NBEA: variants seen among roughly 807,000 people sequenced by gnomAD.
The protein encoded by NBEA is neurobeachin, also known as lysosomal-trafficking regulator 2.
A neutral mutation model predicts 343.4 loss-of-function variants in NBEA; 44 were observed. The observed-to-expected ratio is 0.13, with a 90% CI of 0.10 to 0.16. The LOEUF (loss-of-function observed/expected upper bound fraction) is 0.16. NBEA is among the 10% of genes least tolerant of loss of function. The probability of loss-of-function intolerance (pLI) is 1.00; values close to 1 mark genes in which losing one functional copy is unlikely to be tolerated. For synonymous variants in NBEA, 1,175 were observed against 1,238.7 expected (o/e 0.95, Z 1.08); for missense variants, 2,555 against 3,631.3 (o/e 0.70, Z 7.62).
chr13:35,342,874 A>G (rs1457588423), intron 36 of NBEA, among the ~76,000 whole-genome samples: 1 of 151,964 alleles, frequency 6.6e-6, no homozygotes, highest in Non-Finnish European at 1.5e-5. Context: ...ACTGGGACCA[A>G]TGGAAGATTT....
chr13:35,212,934 A>C (rs754651151), intron 33 of NBEA, among the ~76,000 whole-genome samples: 13 of 151,712 alleles, frequency 8.6e-5, no homozygotes, highest in Non-Finnish European at 1.3e-4. Flanking sequence ...ATTATATGCC[A>C]TACATATATC....
chr13:35,174,181 C>G (rs1243430574), intron 27 of NBEA, among the ~76,000 whole-genome samples: 1 of 152,078 alleles, frequency 6.6e-6, no homozygotes, highest in African/African-American at 2.4e-5. Context: ...TTCTGTTCAT[C>G]AAAAGAAGCT....
At chr13:35,653,191 T>C (rs1052326056) in intron 53 of NBEA, among the ~76,000 whole-genome samples, 1 of 152,176 alleles carries the variant, frequency 6.6e-6, no homozygotes, top group African/African-American at 2.4e-5. Context: ...CGGTTTCATA[T>C]ATGTAAGACA....
In NBEA at chr13:35,164,500, A is replaced by G; in HGVS notation, c.4224A>G (p.Thr1408=). Residue 1408 remains threonine (T), a synonymous_variant, in exon 24 of 59, where the codon ACA becomes ACG. Coordinates refer to ENST00000379939, the MANE Select transcript of NBEA (RefSeq NM_001385012.1). ...GGILPLLSAA[T]SPTGSKTELE... ...TTTTACCTTTGCTCTCTGCTGCTAC[A>G]TCACCAACTGTAAGTACTTTGCCTC... 6.2e-7 allele frequency: 1 copy of G among 1,609,986 alleles called. No homozygotes were observed. Among genetic ancestry groups the G allele is most frequent in the Non-Finnish European group, 8.5e-7 (1 of 1,177,858 alleles).
intron 35 of NBEA, among the ~76,000 whole-genome samples, chr13:35,295,851 G>A (rs576784609): frequency 4.4e-4 from 67 of 152,144 alleles, no homozygotes; most frequent in African/African-American, 1.6e-3. Context: ...AATTACTTTT[G>A]ATTAGTTCTA....
At chr13:35,463,126 G>A (rs944347905) in intron 40 of NBEA, among the ~76,000 whole-genome samples, 3 of 152,172 alleles carry the variant, frequency 2.0e-5, no homozygotes, top group African/African-American at 7.2e-5. Context: ...TTAAAGGGCA[G>A]CCAATGAAGG....
chr13:35,039,138 A>G (rs1234126709), intron 1 of NBEA, among the ~76,000 whole-genome samples: 1 of 152,108 alleles, frequency 6.6e-6, no homozygotes, highest in African/African-American at 2.4e-5. Context: ...CCTTTATGCT[A>G]TAGCAAGATG....
At chr13:35,260,863 A>G (rs1404405062) in intron 34 of NBEA, among the ~76,000 whole-genome samples, 1 of 152,202 alleles carries the variant, frequency 6.6e-6, no homozygotes, top group Admixed American at 6.5e-5. Context: ...AGAGTGGCAC[A>G]TTAGTAGTAG....
chr13:35,008,472 T>C (rs1404986760), intron 1 of NBEA, among the ~76,000 whole-genome samples: 1 of 152,178 alleles, frequency 6.6e-6, no homozygotes, highest in Admixed American at 6.5e-5. Context: ...GTTTACGAAA[T>C]AGTGACTAGA....
At chr13:35,209,676 T>C (rs1272551772) in intron 32 of NBEA, among the ~76,000 whole-genome samples, 1 of 152,080 alleles carries the variant, frequency 6.6e-6, no homozygotes, top group Non-Finnish European at 1.5e-5. Context: ...CTTGAACTTT[T>C]CCATTTATTA....
intron 38 of NBEA, among the ~76,000 whole-genome samples, chr13:35,429,505 C>G (rs147424550): frequency 6.6e-6 from 1 of 152,036 alleles, no homozygotes; most frequent in African/African-American, 2.4e-5. Flanking sequence ...GGCTGTTGGC[C>G]TCTTTGCCTC....
Position 35,159,571 on chromosome 13 carries a change from G to A in NBEA, c.3400G>A (p.Asp1134Asn). The stretch of plus-strand genomic sequence containing the variant: ...TAATGGTCCATTGATAACATTAGCA[G>A]ATGAGAAAGAAGACCTTCCCAATAG... ...KDNGPLITLA[D>N]EKEDLPNSST... The change falls in exon 22 of 59, where the codon GAT becomes AAT. Residue 1134 changes from aspartate to asparagine, a missense_variant. By Grantham distance (23) the Asp-to-Asn change is conservative. Coordinates refer to ENST00000379939, the MANE Select transcript of NBEA (RefSeq NM_001385012.1). The A allele has an allele frequency of 6.2e-7, 1 of 1,612,234 alleles. No homozygotes were observed. The highest frequency in any genetic ancestry group is 8.5e-7 in the Non-Finnish European group (1 of 1,179,304).
At chr13:35,393,306 G>A (rs928571073) in intron 38 of NBEA, among the ~76,000 whole-genome samples, 2 of 152,028 alleles carry the variant, frequency 1.3e-5, no homozygotes, top group Non-Finnish European at 2.9e-5. Context: ...AAATTGTAGA[G>A]CATCCACTAG....
rs1289708555 is a variant in NBEA, at chr13:35,432,404, A to G, written c.6304+11A>G. ...CTGCAATAGAATATGGTTAGTACCAATGCTTCTTCCACAAAAATACTTCTG... is the reference window on the plus strand; with the variant it reads ...CTGCAATAGAATATGGTTAGTACCAGTGCTTCTTCCACAAAAATACTTCTG... On this transcript the variant is annotated intron_variant, in intron 39 of 58. Transcript: ENST00000379939. 5 of 1,550,062 alleles carry G rather than the reference A, an allele frequency of 3.2e-6. No homozygotes were observed. Among genetic ancestry groups the G allele is most frequent in the Admixed American group, 1.9e-5 (1 of 52,896 alleles).
chr13:35,172,519 AC>A (rs1422659318), intron 26 of NBEA, among the ~76,000 whole-genome samples: 1 of 151,954 alleles, frequency 6.6e-6, no homozygotes, highest in Admixed American at 6.6e-5. Flanking sequence ...GTTATTCTGT[AC>A]TTTTATTTTT....
At chr13:35,468,132 G>GCCCCCCAA (rs1566176841) in intron 40 of NBEA, among the ~76,000 whole-genome samples, 1 of 103,030 alleles carries the variant, frequency 9.7e-6, no homozygotes, top group African/African-American at 3.9e-5. Flanking sequence ...CCCCTCCCCT[G>GCCCCCCAA]AAAATGATTA....
intron 31 of NBEA, among the ~76,000 whole-genome samples, chr13:35,196,921 G>A (rs2072651532): frequency 6.6e-6 from 1 of 151,960 alleles, no homozygotes; most frequent in African/African-American, 2.4e-5. Context: ...TTTATAACAT[G>A]GCCCATATGT....
At chr13:35,220,289 CTA>C (rs1287550441) in intron 33 of NBEA, among the ~76,000 whole-genome samples, 1 of 152,138 alleles carries the variant, frequency 6.6e-6, no homozygotes, top group African/African-American at 2.4e-5. Flanking sequence ...AGCCAAATGA[CTA>C]TCATTTTTTG....
chr13:35,160,621 A>G (rs2069488600), intron 22 of NBEA, among the ~76,000 whole-genome samples: 1 of 152,132 alleles, frequency 6.6e-6, no homozygotes, highest in South Asian at 2.1e-4. Context: ...AAAAATTAGA[A>G]TTGTTAGCAG....
Sources: allele counts gnomAD v4.1 joint callset (sites outside exome capture counted in the v4.1 genomes callset), GRCh38; gene constraint gnomAD v4.1.1; transcripts MANE v1.5; gene names NCBI Gene and HGNC (gene_info 2026-07-23, HGNC 2026-07-21).